The following SRGAP1 variants were observed in gnomAD, a reference collection of about 807,000 sequenced individuals.
The protein encoded by SRGAP1 is SLIT-ROBO Rho GTPase-activating protein 1.
A neutral mutation model predicts 121.9 loss-of-function variants in SRGAP1; 43 were observed. The observed-to-expected ratio is 0.35, with a 90% CI of 0.28 to 0.46. The LOEUF (loss-of-function observed/expected upper bound fraction) is 0.46, where lower values mean the gene tolerates loss of function less well. Ranked by LOEUF, SRGAP1 falls within the 20% of genes least tolerant of loss-of-function variation. SRGAP1 has a pLI of 1.00. For missense variants in SRGAP1, 1,102 were observed against 1,350.9 expected, an observed-to-expected ratio of 0.82 and a Z score of 2.89; for synonymous variants, 447 against 485.4, an observed-to-expected ratio of 0.92 and a Z score of 1.04.
chr12:64,099,115 T>C (rs1211800487), intron 15 of SRGAP1, among the ~76,000 whole-genome samples: 2 of 152,230 alleles, frequency 1.3e-5, no homozygotes, highest in Non-Finnish European at 2.9e-5. Context: ...GGCTCTGGAT[T>C]CAAAGAGCCT....
chr12:64,024,767 A>G (rs1202315759), intron 4 of SRGAP1, among the ~76,000 whole-genome samples: 3 of 152,168 alleles, frequency 2.0e-5, no homozygotes, highest in African/African-American at 7.2e-5. Flanking sequence ...GGCAGAAGGC[A>G]CCTCTTCATA....
intron 3 of SRGAP1, among the ~76,000 whole-genome samples, chr12:63,990,640 A>G (rs563340169): frequency 6.6e-6 from 1 of 152,366 alleles, no homozygotes; most frequent in African/African-American, 2.4e-5. Context: ...CAGTGAATCT[A>G]TGAGCTACAC....
At chr12:64,065,340 G>A (rs1777720515) in intron 8 of SRGAP1, 121 bp downstream of exon 8, 1 of 844,146 alleles carries the variant, frequency 1.2e-6, no homozygotes, top group East Asian at 2.7e-5. Context: ...CGTATTTCCT[G>A]CTCTCAGGGT....
At chr12:63,845,941 G>A (rs1051483858) in intron 1 of SRGAP1, among the ~76,000 whole-genome samples, 5 of 152,208 alleles carry the variant, frequency 3.3e-5, no homozygotes, top group Non-Finnish European at 1.5e-5. Context: ...TTGAGCAAGG[G>A]AGGAGCAGCC....
rs2037213369 is a variant in SRGAP1 at position 64,162,189 on chromosome 12, T to C, written c.*19517T>C. On this transcript the variant is annotated 3_prime_UTR_variant, in exon 22 of 22. Coordinates refer to ENST00000355086, the MANE Select transcript of SRGAP1 (RefSeq NM_020762.4). ...AAATATACTAAAAACCACTGAATTG[T>C]ATCCAATAAAGTACTAAATTGTATG... The C allele has an allele frequency of 6.6e-6, 1 of 152,196 alleles. No individual in the cohort carries two copies. The highest frequency in any genetic ancestry group is 2.1e-4 in the South Asian group (1 of 4,828). The allele number at this position is 152,196 out of a possible 1,614,324, so 9.4% of individuals were successfully genotyped here. A position where few individuals can be genotyped will look rare whatever the true frequency, so the allele number is the denominator to read the frequency against.
intron 1 of SRGAP1, among the ~76,000 whole-genome samples, chr12:63,891,006 G>T (rs1900560663): frequency 6.6e-6 from 1 of 152,210 alleles, no homozygotes; most frequent in Non-Finnish European, 1.5e-5. Context: ...GCCCTGCCTA[G>T]TTCCATGTTG....
rs1592976550 is a variant in SRGAP1, at chr12:63,952,134, C to G, written c.68-31813C>G. ...GTCCTCCTTACTTTAAATGTACACT[C>G]ACCCCCCTCCCCACTCTGCACCTCA... On this transcript the variant is annotated intron_variant, in intron 1 of 21. Coordinates refer to ENST00000355086, the MANE Select transcript of SRGAP1 (RefSeq NM_020762.4). Among the ~76,000 whole-genome samples, 6 of 152,190 alleles carry G rather than the reference C, an allele frequency of 3.9e-5. 2 individuals are homozygous for G. Among genetic ancestry groups the G allele is most frequent in the Admixed American group, 3.9e-4 (6 of 15,294 alleles).
At chr12:63,865,285 A>G (rs1488148935) in intron 1 of SRGAP1, among the ~76,000 whole-genome samples, 2 of 152,112 alleles carry the variant, frequency 1.3e-5, no homozygotes, top group African/African-American at 4.8e-5. Flanking sequence ...CCCAGCCAAC[A>G]TGGCGAAACC....
At chr12:64,049,671 C>T (rs1489406762) in intron 6 of SRGAP1, among the ~76,000 whole-genome samples, 1 of 152,116 alleles carries the variant, frequency 6.6e-6, no homozygotes, top group Non-Finnish European at 1.5e-5. Context: ...TTGTTGAAAA[C>T]GAGTTCACTG....
chr12:64,029,588 G>A (rs564581712), intron 4 of SRGAP1, among the ~76,000 whole-genome samples: 4 of 152,148 alleles, frequency 2.6e-5, no homozygotes, highest in Non-Finnish European at 4.4e-5. Context: ...TGGGAAAAGC[G>A]TTCCAAAAAG....
chr12:64,107,711 A>AT (rs2036366889), intron 15 of SRGAP1, among the ~76,000 whole-genome samples: 1 of 152,178 alleles, frequency 6.6e-6, no homozygotes, highest in Non-Finnish European at 1.5e-5. Context: ...TGGACTGAGA[A>AT]TTTTCAAGTA....
chr12:64,088,893 G>T (rs893913205), intron 11 of SRGAP1, among the ~76,000 whole-genome samples: 1 of 152,178 alleles, frequency 6.6e-6, no homozygotes, highest in Non-Finnish European at 1.5e-5. Flanking sequence ...GGCTTGCTCC[G>T]TGAATCAGTG....
chr12:63,952,484 C>A (rs1340033730), intron 1 of SRGAP1, among the ~76,000 whole-genome samples: 1 of 152,032 alleles, frequency 6.6e-6, no homozygotes, highest in African/African-American at 2.4e-5. Flanking sequence ...CACTGCACTA[C>A]AGCCCAGGCA....
intron 15 of SRGAP1, among the ~76,000 whole-genome samples, chr12:64,107,445 A>G (rs1026203392): frequency 4.6e-5 from 7 of 152,202 alleles, no homozygotes; most frequent in African/African-American, 1.7e-4. Flanking sequence ...AGTTAGAAAT[A>G]ATCAAGACTT....
At chr12:63,913,454 C>CATATATATAT (rs570506869) in intron 1 of SRGAP1, among the ~76,000 whole-genome samples, 30 of 124,082 alleles carry the variant, frequency 2.4e-4, no homozygotes, top group South Asian at 5.6e-4. Flanking sequence ...ACTGTGTCCA[C>CATATATATAT]ATATATATAT....
intron 1 of SRGAP1, among the ~76,000 whole-genome samples, chr12:63,855,384 G>A (rs117346337): frequency 0.015 from 2,222 of 151,134 alleles, 29 homozygotes; most frequent in Admixed American, 0.028. Flanking sequence ...TAGTCTCTCT[G>A]GATGGCCCTG....
intron 4 of SRGAP1, among the ~76,000 whole-genome samples, chr12:64,026,736 C>T (rs1481303392): frequency 6.6e-6 from 1 of 151,388 alleles, no homozygotes; most frequent in Non-Finnish European, 1.5e-5. Context: ...CATGGTGATG[C>T]GCGCCTGTAA....
intron 8 of SRGAP1, 119 bp downstream of exon 8, chr12:64,065,338 C>A: frequency 1.2e-6 from 1 of 868,000 alleles, no homozygotes; most frequent in Non-Finnish European, 1.8e-6. Flanking sequence ...CACGTATTTC[C>A]TGCTCTCAGG....
At chr12:63,937,741 C>T (rs1384096007) in intron 1 of SRGAP1, among the ~76,000 whole-genome samples, 1 of 152,226 alleles carries the variant, frequency 6.6e-6, no homozygotes, top group Non-Finnish European at 1.5e-5. Context: ...CACCTAGGAG[C>T]TCGCCTTAAA....
Sources: allele counts gnomAD v4.1 joint callset (sites outside exome capture counted in the v4.1 genomes callset), GRCh38; gene constraint gnomAD v4.1.1; transcripts MANE v1.5; gene names NCBI Gene and HGNC (gene_info 2026-07-23, HGNC 2026-07-21).